The following DEK variants were observed in gnomAD, a reference collection of about 807,000 sequenced individuals.
DEK encodes the protein DEK proto-oncogene.
A neutral mutation model predicts 46.8 loss-of-function variants in DEK; 28 were observed. That is an observed-to-expected ratio of 0.60 (90% confidence interval 0.44 to 0.82). DEK has a LOEUF of 0.82. Among genes scored for constraint, DEK ranks in the 40% least tolerant of loss-of-function variants. DEK has a pLI of 0.00. For synonymous variants in DEK, 160 were observed against 144.5 expected (o/e 1.11, Z -0.77); for missense variants, 416 against 430.6 (o/e 0.97, Z 0.30).
chr6:18,240,064 CT>C (rs1274025185), intron 7 of DEK, among the ~76,000 whole-genome samples: 2 of 152,164 alleles, frequency 1.3e-5, no homozygotes, highest in African/African-American at 2.4e-5. Context: ...AATTAGATAA[CT>C]AAAATACTTC....
chr6:18,237,327 T>TATTA (rs1390422101), intron 8 of DEK, 54 bp downstream of exon 8: 19 of 1,550,340 alleles, frequency 1.2e-5, no homozygotes, highest in South Asian at 1.2e-5. Context: ...ATGTACAACA[T>TATTA]ATTAATATAT....
At chr6:18,230,945 C>T (rs892355822) in intron 9 of DEK, among the ~76,000 whole-genome samples, 8 of 152,188 alleles carry the variant, frequency 5.3e-5, no homozygotes, top group Non-Finnish European at 8.8e-5. Flanking sequence ...CACTACATCG[C>T]ACTTATTCCA....
At chr6:18,240,925 G>A (rs566411864) in intron 7 of DEK, among the ~76,000 whole-genome samples, 2 of 152,286 alleles carry the variant, frequency 1.3e-5, no homozygotes, top group South Asian at 4.1e-4. Flanking sequence ...CATTATAGTA[G>A]ATACGACATG....
At chr6:18,226,980 G>C (rs535660720) in intron 9 of DEK, among the ~76,000 whole-genome samples, 5 of 151,206 alleles carry the variant, frequency 3.3e-5, no homozygotes, top group East Asian at 1.9e-4. Flanking sequence ...CAGCATGCTC[G>C]TTAACAGTCA....
At position 18,224,601 on chromosome 6, in the gene DEK, A is replaced by C. The variant is rs941278080; in HGVS notation, c.*1118T>G. 1.4e-4 allele frequency: 29 copies of C among 203,114 alleles called. No individual in the cohort carries two copies. The highest frequency in any genetic ancestry group is 2.3e-4 in the East Asian group (3 of 13,248). 12.6% of individuals were successfully genotyped at this position (203,114 alleles called of 1,614,324 possible). On this transcript the variant is annotated 3_prime_UTR_variant, in exon 11 of 11. Coordinates refer to ENST00000652689, the MANE Select transcript of DEK (RefSeq NM_003472.4). ...GAGCCCCAACTCCAGAGAAACATTA[A>C]ATTTCTTTAATGTAAAAGTATATTA...
At chr6:18,264,129 C>A in intron 1 of DEK, 133 bp from the exon 2 acceptor site, 1 of 764,386 alleles carries the variant, frequency 1.3e-6, no homozygotes, top group Admixed American at 3.8e-5. Flanking sequence ...TAGCCGGGAC[C>A]GCAGCGCTCA....
chr6:18,258,242 C>T, intron 3 of DEK, 62 bp downstream of exon 3: 2 of 1,414,188 alleles, frequency 1.4e-6, no homozygotes, highest in Non-Finnish European at 2.0e-6. Context: ...AGCTACAAAC[C>T]ATCATTTTCA....
chr6:18,263,834 T>TC lies in DEK; in HGVS notation c.145+8dup, dbSNP rs1561996068. ...AAAAATTCATCAGTTGGGATGCGAC[T>TC]CCCCCCACCTTTTTCCTCCTCCTCC... On this transcript the variant is annotated intron_variant, in intron 2 of 10. Transcript: ENST00000652689. 1.9e-6 allele frequency: 3 copies of TC among 1,611,636 alleles called. No homozygotes were observed. Among genetic ancestry groups the TC allele is most frequent in the East Asian group, 2.2e-5 (1 of 44,590 alleles).
chr6:18,237,163 ATC>A (rs968246240), intron 8 of DEK: 51 of 294,164 alleles, frequency 1.7e-4, no homozygotes, highest in South Asian at 1.1e-3. Flanking sequence ...TCCCCAAGAT[ATC>A]TCTCTCTCTG....
At chr6:18,250,026 T>C (rs1791299733) in intron 6 of DEK, among the ~76,000 whole-genome samples, 187 bp from the exon 7 acceptor site, 1 of 152,200 alleles carries the variant, frequency 6.6e-6, no homozygotes, top group South Asian at 2.1e-4. Context: ...TAATACCATT[T>C]GTGTTCTAAA....
chr6:18,224,903 T>C lies in DEK; in HGVS notation c.*816A>G, dbSNP rs1461590824. ...TATAAAACGTACCTACAGACACTTT[T>C]ACAGAGTTAATACTAAAATTACAAA... On this transcript the variant is annotated 3_prime_UTR_variant, in exon 11 of 11. Transcript: ENST00000652689. 9.4e-6 allele frequency: 2 copies of C among 213,206 alleles called. No individual in the cohort carries two copies. The highest frequency in any genetic ancestry group is 1.9e-5 in the Non-Finnish European group (2 of 105,104). The allele number at this position is 213,206 out of a possible 1,614,324, so 13.2% of individuals were successfully genotyped here. A position where few individuals can be genotyped will look rare whatever the true frequency, so the allele number is the denominator to read the frequency against.
At chr6:18,256,846 G>A (rs1478636287) in intron 4 of DEK, among the ~76,000 whole-genome samples, 1 of 152,094 alleles carries the variant, frequency 6.6e-6, no homozygotes. Context: ...TCCAAATCAA[G>A]AAGGACTTTA....
At position 18,236,483 on chromosome 6, in the gene DEK, T is replaced by G. The variant is rs781531063; in HGVS notation, c.1016A>C (p.Glu339Ala). 1 of 1,611,342 alleles carries G rather than the reference T, an allele frequency of 6.2e-7. No individual in the cohort carries two copies. The highest frequency in any genetic ancestry group is 8.5e-7 in the Non-Finnish European group (1 of 1,179,118). ...IKKLLASANL[E>A]EVTMKQICKK... is the part of the protein sequence containing the mutation. Reference sequence around the variant, plus strand: ...GCAAATCTGTTTCATTGTGACTTCTTCCAAGTTAGCACTGGCCAGTAATTT... The same window carrying G: ...GCAAATCTGTTTCATTGTGACTTCTGCCAAGTTAGCACTGGCCAGTAATTT... The change falls in exon 9 of 11, where the codon GAA (glutamate) becomes GCA (alanine). Residue 339 changes from glutamate (E) to alanine (A), a missense_variant. Physicochemically the swap from Glu to Ala is moderately radical, Grantham distance 107. Transcript: ENST00000652689.
chr6:18,229,541 A>T (rs1237384384), intron 9 of DEK, among the ~76,000 whole-genome samples: 1 of 152,226 alleles, frequency 6.6e-6, no homozygotes, highest in Non-Finnish European at 1.5e-5. Flanking sequence ...AAATGACCTG[A>T]TGGCGCTGAA....
intron 7 of DEK, among the ~76,000 whole-genome samples, chr6:18,242,134 C>T (rs1196125962): frequency 6.6e-6 from 1 of 152,288 alleles, no homozygotes; most frequent in South Asian, 2.1e-4. Context: ...GGTGGCTCAA[C>T]CCCGTAATCC....
intron 8 of DEK, chr6:18,237,077 A>T: frequency 4.1e-6 from 1 of 243,142 alleles, no homozygotes; most frequent in Non-Finnish European, 7.8e-6. Flanking sequence ...TTATTTAGTT[A>T]AAATATTAAA....
At chr6:18,236,211 T>C (rs2151081026) in intron 9 of DEK, among the ~76,000 whole-genome samples, 2 of 152,334 alleles carry the variant, frequency 1.3e-5, no homozygotes, top group East Asian at 3.9e-4. Context: ...AATGTGTCAC[T>C]TTAATTTTAT....
intron 2 of DEK, among the ~76,000 whole-genome samples, chr6:18,261,621 C>A (rs1791873014): frequency 6.6e-6 from 1 of 152,118 alleles, no homozygotes; most frequent in Middle Eastern, 3.2e-3. Context: ...CAAACAAAAA[C>A]CAAACCAGAC....
chr6:18,232,603 A>G, intron 9 of DEK, among the ~76,000 whole-genome samples: 1 of 152,192 alleles, frequency 6.6e-6, no homozygotes, highest in East Asian at 1.9e-4. Context: ...GTGAATTCCC[A>G]TTCACAATTG....
Sources: allele counts gnomAD v4.1 joint callset (sites outside exome capture counted in the v4.1 genomes callset), GRCh38; gene constraint gnomAD v4.1.1; transcripts MANE v1.5; gene names NCBI Gene and HGNC (gene_info 2026-07-23, HGNC 2026-07-21).